FBXL17: variants seen among roughly 807,000 people sequenced by gnomAD.
The protein encoded by FBXL17 is F-box and leucine rich repeat protein 17.
A neutral mutation model predicts 66.2 loss-of-function variants in FBXL17; 22 were observed. That is an observed-to-expected ratio of 0.33 (90% confidence interval 0.24 to 0.47). The LOEUF is 0.47. FBXL17 is among the 20% of genes least tolerant of loss of function. The pLI, the probability that FBXL17 is intolerant of heterozygous loss-of-function variation, is 1.00. For missense variants in FBXL17, 878 were observed against 948.2 expected, an observed-to-expected ratio of 0.93 and a Z score of 0.97; for synonymous variants, 474 against 400.5, an observed-to-expected ratio of 1.18 and a Z score of -2.19.
At chr5:108,360,462 C>G (rs1192736667) in intron 3 of FBXL17, among the ~76,000 whole-genome samples, 7 of 151,976 alleles carry the variant, frequency 4.6e-5, no homozygotes, top group African/African-American at 1.7e-4. Context: ...AGTTGTAAAT[C>G]TTATTGAGGA....
At chr5:108,131,979 CTT>C (rs35305637) in intron 6 of FBXL17, among the ~76,000 whole-genome samples, 123 of 143,108 alleles carry the variant, frequency 8.6e-4, no homozygotes, top group Admixed American at 1.2e-3. Flanking sequence ...GAAGAAAGTC[CTT>C]TTTTTTTTTT....
chr5:108,363,115 G>A (rs1176141581), intron 3 of FBXL17, among the ~76,000 whole-genome samples: 2 of 151,812 alleles, frequency 1.3e-5, no homozygotes, highest in South Asian at 2.1e-4. Context: ...ATCCATATTC[G>A]GATTTATGAA....
chr5:107,930,031 G>A (rs1006054359), intron 7 of FBXL17, among the ~76,000 whole-genome samples: 2 of 152,042 alleles, frequency 1.3e-5, no homozygotes, highest in Admixed American at 6.6e-5. Context: ...CCCTTCCTCA[G>A]GCCATAGCAA....
intron 6 of FBXL17, among the ~76,000 whole-genome samples, chr5:108,179,973 A>T (rs756252972): frequency 6.6e-6 from 1 of 152,184 alleles, no homozygotes; most frequent in Admixed American, 6.5e-5. Context: ...AGAACAGTCC[A>T]TTCATCATCC....
chr5:108,067,332 T>C (rs1663980955), intron 6 of FBXL17, among the ~76,000 whole-genome samples: 1 of 152,200 alleles, frequency 6.6e-6, no homozygotes, highest in Non-Finnish European at 1.5e-5. Context: ...TATATCATTT[T>C]GTTCCGATTA....
At chr5:108,056,590 T>A (rs951010408) in intron 6 of FBXL17, among the ~76,000 whole-genome samples, 1 of 152,178 alleles carries the variant, frequency 6.6e-6, no homozygotes, top group Non-Finnish European at 1.5e-5. Context: ...TAAGAAATGA[T>A]GACCTCTCAG....
chr5:107,928,931 A>G (rs1481026612), intron 7 of FBXL17, among the ~76,000 whole-genome samples: 2 of 152,206 alleles, frequency 1.3e-5, no homozygotes, highest in East Asian at 3.9e-4. Flanking sequence ...TTTTTTTCCA[A>G]ATATCAACTG....
At chr5:108,086,132 C>G (rs1033932663) in intron 6 of FBXL17, among the ~76,000 whole-genome samples, 2 of 152,172 alleles carry the variant, frequency 1.3e-5, no homozygotes, top group African/African-American at 4.8e-5. Context: ...GTCACAGTCT[C>G]CCTTCTCCCT....
intron 4 of FBXL17, among the ~76,000 whole-genome samples, chr5:108,310,921 T>G (rs1375144487): frequency 6.6e-6 from 1 of 152,148 alleles, no homozygotes; most frequent in African/African-American, 2.4e-5. Flanking sequence ...CAGTTGAGAT[T>G]TAATCTCCTC....
At chr5:108,180,368 C>T (rs1561450279) in intron 6 of FBXL17, among the ~76,000 whole-genome samples, 2 of 151,684 alleles carry the variant, frequency 1.3e-5, no homozygotes, top group African/African-American at 4.8e-5. Flanking sequence ...AAAATTAGCC[C>T]CACATGGTGG....
At chr5:107,973,979 T>C (rs964269406) in intron 7 of FBXL17, among the ~76,000 whole-genome samples, 1 of 152,192 alleles carries the variant, frequency 6.6e-6, no homozygotes, top group African/African-American at 2.4e-5. Flanking sequence ...ATCCGTTGCT[T>C]TCCTTTAGCC....
chr5:108,306,541 T>A (rs939568651), intron 4 of FBXL17, among the ~76,000 whole-genome samples: 3 of 152,108 alleles, frequency 2.0e-5, no homozygotes, highest in Non-Finnish European at 4.4e-5. Context: ...AGTGTGAGAA[T>A]TAAACTAGAC....
At chr5:107,927,907 T>G (rs775941035) in intron 7 of FBXL17, among the ~76,000 whole-genome samples, 1 of 152,072 alleles carries the variant, frequency 6.6e-6, no homozygotes. Context: ...TAAATTCACC[T>G]CCTCTTATAA....
At chr5:108,091,176 C>G (rs186771541) in intron 6 of FBXL17, among the ~76,000 whole-genome samples, 289 of 152,304 alleles carry the variant, frequency 1.9e-3, no homozygotes, top group Admixed American at 3.2e-3. Flanking sequence ...CAATATGCAG[C>G]CTGAACAAAA....
intron 6 of FBXL17, among the ~76,000 whole-genome samples, chr5:108,090,657 A>G (rs1749152610): frequency 6.6e-6 from 1 of 152,214 alleles, no homozygotes; most frequent in Non-Finnish European, 1.5e-5. Flanking sequence ...ATTCCATATA[A>G]TTTTCATATC....
intron 4 of FBXL17, among the ~76,000 whole-genome samples, chr5:108,254,949 T>C (rs984393853): frequency 1.3e-5 from 2 of 152,222 alleles, no homozygotes; most frequent in African/African-American, 4.8e-5. Context: ...AATAAAGTTA[T>C]TGCTTTACAT....
At chr5:108,235,069 T>C (rs185584977) in intron 4 of FBXL17, among the ~76,000 whole-genome samples, 46 of 152,308 alleles carry the variant, frequency 3.0e-4, no homozygotes, top group East Asian at 2.5e-3. Context: ...TTGGGAATAA[T>C]TGCTAGCATA....
chr5:108,071,629 CCT>C (rs36100022), intron 6 of FBXL17, among the ~76,000 whole-genome samples: 84,285 of 151,432 alleles, frequency 0.56, 24,066 homozygotes, highest in South Asian at 0.83. Flanking sequence ...TTTCTTTTCC[CCT>C]CTCTTAGTCT....
intron 7 of FBXL17, among the ~76,000 whole-genome samples, chr5:108,004,323 G>C (rs1753846058): frequency 6.6e-6 from 1 of 152,066 alleles, no homozygotes; most frequent in Admixed American, 6.5e-5. Flanking sequence ...TTAATAAAAA[G>C]TAATAATGTA....
Sources: gnomAD v4.1 joint callset for allele counts (sites outside exome capture counted in the v4.1 genomes callset) on GRCh38, gnomAD v4.1.1 for gene constraint, MANE v1.5 for transcripts, NCBI Gene and HGNC (gene_info 2026-07-23, HGNC 2026-07-21) for gene names.